The following MAF variants were observed in gnomAD, a reference collection of about 807,000 sequenced individuals.
MAF encodes the protein transcription factor Maf.
Under a neutral mutation model 22.0 loss-of-function variants are expected in MAF, and 10 were observed. That is an observed-to-expected ratio of 0.45 (90% confidence interval 0.28 to 0.77). The LOEUF is 0.77. MAF is among the 30% of genes least tolerant of loss of function. The pLI is 0.12. For synonymous variants in MAF, 337 were observed against 255.8 expected (o/e 1.32, Z -3.03); for missense variants, 544 against 548.4 (o/e 0.99, Z 0.08).
At chr16:79,432,509 TATATGA>T in the MAF span, among the ~76,000 whole-genome samples, 1 of 152,222 alleles carries the variant, frequency 6.6e-6, no homozygotes, top group South Asian at 2.1e-4. Context: ...AAATAAAAGT[TATATGA>T]ATATGGTTTC....
the MAF span, among the ~76,000 whole-genome samples, chr16:79,395,329 G>C: frequency 6.6e-6 from 1 of 152,218 alleles, no homozygotes; most frequent in African/African-American, 2.4e-5. Context: ...CACAGTGAGG[G>C]AGCATAGGTT....
chr16:79,465,743 T>C, the MAF span, among the ~76,000 whole-genome samples: 1 of 152,328 alleles, frequency 6.6e-6, no homozygotes, highest in Admixed American at 6.5e-5. Context: ...ACTTAATCTC[T>C]CTGACCTTCA....
At chr16:79,349,870 C>G in the MAF span, among the ~76,000 whole-genome samples, 1 of 152,190 alleles carries the variant, frequency 6.6e-6, no homozygotes. Flanking sequence ...CATATTCTCC[C>G]TCAGTAATTC....
At chr16:79,275,466 A>C in the MAF span, among the ~76,000 whole-genome samples, 2 of 152,254 alleles carry the variant, frequency 1.3e-5, no homozygotes, top group East Asian at 3.8e-4. Flanking sequence ...GTAATTTCAC[A>C]GGACTGACTT....
the MAF span, among the ~76,000 whole-genome samples, chr16:79,247,569 C>T: frequency 6.6e-6 from 1 of 152,126 alleles, no homozygotes; most frequent in South Asian, 2.1e-4. Flanking sequence ...CAGCCCAAAA[C>T]ACTCTGCGCA....
the MAF span, among the ~76,000 whole-genome samples, chr16:79,457,240 T>C: frequency 1.3e-5 from 2 of 152,168 alleles, no homozygotes; most frequent in East Asian, 3.9e-4. Flanking sequence ...ATTTTCACCA[T>C]AGGTTGACAT....
the MAF span, among the ~76,000 whole-genome samples, chr16:79,377,258 G>A: frequency 2.0e-4 from 31 of 152,210 alleles, no homozygotes; most frequent in African/African-American, 4.8e-4. Flanking sequence ...TTTGATTTGC[G>A]TTTCTCTGAT....
chr16:79,209,105 A>C, the MAF span, among the ~76,000 whole-genome samples: 1 of 152,206 alleles, frequency 6.6e-6, no homozygotes, highest in Non-Finnish European at 1.5e-5. Context: ...CCCCAAGCCT[A>C]GTGGCAAAGG....
At chr16:79,350,999 C>G in the MAF span, among the ~76,000 whole-genome samples, 5 of 152,056 alleles carry the variant, frequency 3.3e-5, no homozygotes, top group South Asian at 6.2e-4. Context: ...TCACTTGCAG[C>G]TTCCAGGCTT....
chr16:79,501,014 A>G, the MAF span, among the ~76,000 whole-genome samples: 1 of 152,136 alleles, frequency 6.6e-6, no homozygotes. Flanking sequence ...CCGCTAGTGC[A>G]TTTGTTGCCT....
the MAF span, chr16:79,211,577 T>C: frequency 1.3e-6 from 2 of 1,571,956 alleles, no homozygotes; most frequent in Non-Finnish European, 1.7e-6. Context: ...TTTCTTAAAA[T>C]TTTTTTTTGT....
the MAF span, among the ~76,000 whole-genome samples, chr16:79,240,847 A>C: frequency 6.6e-6 from 1 of 152,050 alleles, no homozygotes; most frequent in Admixed American, 6.6e-5. Context: ...CCAGAGGAAG[A>C]AACAGGCAGC....
chr16:79,471,971 G>A, the MAF span, among the ~76,000 whole-genome samples: 1 of 152,144 alleles, frequency 6.6e-6, no homozygotes, highest in Non-Finnish European at 1.5e-5. Context: ...GTAAGACAAA[G>A]TGTAGCTTTC....
At chr16:79,249,359 T>A in the MAF span, among the ~76,000 whole-genome samples, 5 of 149,612 alleles carry the variant, frequency 3.3e-5, no homozygotes, top group African/African-American at 9.9e-5. Flanking sequence ...GTGGAGGTTG[T>A]GGTGAGCCAA....
At chr16:79,211,495 G>T in the MAF span, 11 of 1,378,684 alleles carry the variant, frequency 8.0e-6, no homozygotes, top group Non-Finnish European at 8.1e-6. Context: ...CCAAGATCCA[G>T]CTGAAACTGA....
chr16:79,448,873 G>T, the MAF span, among the ~76,000 whole-genome samples: 31 of 152,136 alleles, frequency 2.0e-4, no homozygotes, highest in African/African-American at 7.2e-4. Flanking sequence ...TATTTTCCCA[G>T]ACCTTGGGGG....
the MAF span, among the ~76,000 whole-genome samples, chr16:79,260,781 TG>T: frequency 1.3e-5 from 2 of 152,058 alleles, no homozygotes; most frequent in African/African-American, 4.8e-5. Flanking sequence ...ATATAGGAGC[TG>T]GCATCCAATC....
chr16:79,410,478 C>A, the MAF span, among the ~76,000 whole-genome samples: 52 of 152,344 alleles, frequency 3.4e-4, no homozygotes, highest in Admixed American at 4.6e-4. Flanking sequence ...CTATTCAATT[C>A]ACCTATGTGG....
chr16:79,554,919 A>C, the MAF span, among the ~76,000 whole-genome samples: 4 of 152,118 alleles, frequency 2.6e-5, no homozygotes, highest in African/African-American at 9.7e-5. Context: ...GATACACACA[A>C]AGTGCTCCAC....
Sources: gnomAD v4.1 joint callset for allele counts (sites outside exome capture counted in the v4.1 genomes callset) on GRCh38, gnomAD v4.1.1 for gene constraint, MANE v1.5 for transcripts, NCBI Gene and HGNC (gene_info 2026-07-23, HGNC 2026-07-21) for gene names.